The following FBXW7 variants were observed in gnomAD, a reference collection of about 807,000 sequenced individuals.
FBXW7 encodes the protein F-box and WD repeat domain containing 7.
A neutral mutation model predicts 86.3 loss-of-function variants in FBXW7; 11 were observed. That is an observed-to-expected ratio of 0.13 (90% CI 0.08 to 0.21). The LOEUF is 0.21. FBXW7 is among the 10% of genes least tolerant of loss of function. FBXW7 has a pLI of 1.00. For synonymous variants in FBXW7, 313 were observed against 297.9 expected (o/e 1.05, Z -0.52); for missense variants, 488 against 847.4 (o/e 0.58, Z 5.27).
intron 2 of FBXW7, among the ~76,000 whole-genome samples, chr4:152,431,643 C>T (rs964475): frequency 0.47 from 71,977 of 151,952 alleles, 20,355 homozygotes; most frequent in African/African-American, 0.79. Flanking sequence ...ATAATTTTTA[C>T]TGAACAATAC....
At chr4:152,439,758 C>A (rs559493549) in intron 2 of FBXW7, among the ~76,000 whole-genome samples, 2 of 150,392 alleles carry the variant, frequency 1.3e-5, no homozygotes, top group South Asian at 4.2e-4. Flanking sequence ...CCCAGCTACT[C>A]AGGAGGCTGA....
At chr4:152,487,885 T>C (rs1745487410) in intron 2 of FBXW7, among the ~76,000 whole-genome samples, 1 of 152,082 alleles carries the variant, frequency 6.6e-6, no homozygotes, top group African/African-American at 2.4e-5. Context: ...TTTGAAGAAC[T>C]TTGATTTAGA....
At chr4:152,333,358 G>A (rs186732027) in intron 7 of FBXW7, among the ~76,000 whole-genome samples, 1 of 152,012 alleles carries the variant, frequency 6.6e-6, no homozygotes, top group Admixed American at 6.5e-5. Flanking sequence ...CCACATAAGA[G>A]TTGTATATTT....
intron 2 of FBXW7, among the ~76,000 whole-genome samples, chr4:152,434,776 A>G (rs1740223357): frequency 6.6e-6 from 1 of 152,248 alleles, no homozygotes; most frequent in African/African-American, 2.4e-5. Flanking sequence ...ACATATTGAA[A>G]TACAAATAGA....
rs187861917 is a variant in FBXW7, at chr4:152,504,441, T to A, written c.-120+30500A>T. Among the ~76,000 whole-genome samples, 5 of 152,234 alleles carry A rather than the reference T, an allele frequency of 3.3e-5. No individual in the cohort carries two copies. The East Asian group carries it at 9.6e-4, about 29-fold the overall frequency. ...TAATATAGATTTGCCTAACATCCAA[T>A]CTCCTTTTGAATATAATGTCAGTAA... On this transcript the variant is annotated intron_variant, in intron 2 of 13. Coordinates refer to ENST00000281708, the MANE Select transcript of FBXW7 (RefSeq NM_001349798.2).
At chr4:152,451,741 G>C (rs1290153354) in intron 2 of FBXW7, 1 of 150,692 alleles carries the variant, frequency 6.6e-6, no homozygotes, top group East Asian at 1.9e-4. Flanking sequence ...GCAGTGAGCT[G>C]TGACCGCACT....
intron 2 of FBXW7, among the ~76,000 whole-genome samples, chr4:152,527,403 G>C: frequency 6.6e-6 from 1 of 152,178 alleles, no homozygotes. Flanking sequence ...CCTAGAGAAT[G>C]TCATGCAAAG....
chr4:152,402,318 A>G (rs1368802300), intron 4 of FBXW7, among the ~76,000 whole-genome samples: 2 of 152,218 alleles, frequency 1.3e-5, no homozygotes, highest in Non-Finnish European at 2.9e-5. Context: ...ATAACACAAT[A>G]AATATTATTA....
intron 3 of FBXW7, 62 bp from the exon 4 acceptor site, chr4:152,411,934 T>C (rs1738001978): frequency 2.9e-6 from 4 of 1,367,268 alleles, no homozygotes; most frequent in African/African-American, 1.5e-5. Context: ...TCTACTTTCA[T>C]GTTATATGTC....
At chr4:152,409,588 T>C (rs1737739375) in intron 4 of FBXW7, among the ~76,000 whole-genome samples, 1 of 152,124 alleles carries the variant, frequency 6.6e-6, no homozygotes, top group Non-Finnish European at 1.5e-5. Flanking sequence ...ACTGAAATCT[T>C]ACTTGTAGAA....
At chr4:152,459,376 T>C (rs541228098) in intron 2 of FBXW7, among the ~76,000 whole-genome samples, 1 of 152,340 alleles carries the variant, frequency 6.6e-6, no homozygotes, top group Non-Finnish European at 1.5e-5. Flanking sequence ...ACTCCATCTC[T>C]TTGGAGCAAA....
intron 2 of FBXW7, among the ~76,000 whole-genome samples, chr4:152,481,153 G>A (rs564330498): frequency 1.3e-5 from 2 of 152,294 alleles, no homozygotes; most frequent in East Asian, 3.9e-4. Context: ...CTTCCAAGTG[G>A]AACAATGATC....
chr4:152,372,574 C>T (rs1396402729), intron 4 of FBXW7, among the ~76,000 whole-genome samples: 6 of 151,882 alleles, frequency 4.0e-5, no homozygotes, highest in Non-Finnish European at 8.8e-5. Context: ...GTTTTCAGAG[C>T]ATGATGGATT....
chr4:152,463,191 G>A (rs1743107794), intron 2 of FBXW7, among the ~76,000 whole-genome samples: 1 of 151,842 alleles, frequency 6.6e-6, no homozygotes, highest in South Asian at 2.1e-4. Flanking sequence ...GGAGGCTGAC[G>A]CATGAGAATC....
chr4:152,403,746 C>A (rs890457220), intron 4 of FBXW7, among the ~76,000 whole-genome samples: 1 of 152,232 alleles, frequency 6.6e-6, no homozygotes, highest in Non-Finnish European at 1.5e-5. Context: ...GGAGCACAGG[C>A]GGTAATGCTC....
chr4:152,419,377 T>G (rs988434689), intron 2 of FBXW7, among the ~76,000 whole-genome samples: 2 of 151,940 alleles, frequency 1.3e-5, no homozygotes, highest in African/African-American at 4.8e-5. Context: ...CAAGAAAAAG[T>G]GATTTAAACA....
intron 4 of FBXW7, among the ~76,000 whole-genome samples, chr4:152,374,461 G>A (rs147794041): frequency 6.6e-6 from 1 of 152,084 alleles, no homozygotes; most frequent in Non-Finnish European, 1.5e-5. Flanking sequence ...AATCACAGCT[G>A]CACAGTCACT....
chr4:152,489,100 C>T (rs1016514278), intron 2 of FBXW7, among the ~76,000 whole-genome samples: 3 of 151,894 alleles, frequency 2.0e-5, no homozygotes, highest in African/African-American at 2.4e-5. Context: ...ATAAACAGCA[C>T]GTATAGAAAC....
intron 4 of FBXW7, among the ~76,000 whole-genome samples, chr4:152,369,047 A>C (rs147573982): frequency 6.6e-6 from 1 of 152,108 alleles, no homozygotes; most frequent in African/African-American, 2.4e-5. Context: ...ATTATTCAAA[A>C]TTTATGCTGT....
Sources: gnomAD v4.1 joint callset for allele counts (sites outside exome capture counted in the v4.1 genomes callset) on GRCh38, gnomAD v4.1.1 for gene constraint, MANE v1.5 for transcripts, NCBI Gene and HGNC (gene_info 2026-07-23, HGNC 2026-07-21) for gene names.